The following GRM3 variants were observed in gnomAD, a reference collection of about 807,000 sequenced individuals.
GRM3 encodes the protein glutamate metabotropic receptor 3.
In GRM3, 26 loss-of-function variants were observed where a neutral mutation model predicts 70.5. That is an observed-to-expected ratio of 0.37 (90% CI 0.27 to 0.51). The LOEUF (loss-of-function observed/expected upper bound fraction) is 0.51, where lower values mean the gene tolerates loss of function less well. GRM3 is among the 20% of genes least tolerant of loss of function. GRM3 has a pLI of 0.93. For missense variants in GRM3, 859 were observed against 1,123.8 expected (o/e 0.76, Z 3.37); for synonymous variants, 443 against 434.9 (o/e 1.02, Z -0.23).
At chr7:86,705,566 A>G (rs1004480171) in intron 1 of GRM3, among the ~76,000 whole-genome samples, 1 of 152,032 alleles carries the variant, frequency 6.6e-6, no homozygotes, top group Admixed American at 6.6e-5. Context: ...AGCCTTTTAA[A>G]TTTTTTTGTA....
intron 1 of GRM3, among the ~76,000 whole-genome samples, chr7:86,706,706 C>A (rs1795066210): frequency 6.6e-6 from 1 of 151,826 alleles, no homozygotes; most frequent in Non-Finnish European, 1.5e-5. Flanking sequence ...TCTAGTATGC[C>A]AGGCACATGA....
At chr7:86,856,452 CAA>C (rs572172399) in intron 5 of GRM3, among the ~76,000 whole-genome samples, 1,364 of 67,506 alleles carry the variant, frequency 0.02, 16 homozygotes, top group African/African-American at 0.058. Flanking sequence ...TCGCCCTCTG[CAA>C]AAAAAAAAAA....
chr7:86,684,112 C>T (rs1470145284), intron 1 of GRM3, among the ~76,000 whole-genome samples: 1 of 151,950 alleles, frequency 6.6e-6, no homozygotes, highest in Admixed American at 6.6e-5. Flanking sequence ...CTGTTTCTTA[C>T]CCTCCGGGAA....
intron 1 of GRM3, among the ~76,000 whole-genome samples, chr7:86,691,051 C>G (rs936634879): frequency 2.0e-5 from 3 of 152,108 alleles, no homozygotes; most frequent in African/African-American, 4.8e-5. Context: ...TCCTCTACTA[C>G]CATTTCCTAG....
At chr7:86,719,912 A>T (rs1584191569) in intron 1 of GRM3, among the ~76,000 whole-genome samples, 1 of 152,094 alleles carries the variant, frequency 6.6e-6, no homozygotes, top group African/African-American at 2.4e-5. Context: ...TGGCTTGCTC[A>T]CAAAACTCAA....
chr7:86,655,255 A>G (rs1344063343), intron 1 of GRM3, among the ~76,000 whole-genome samples: 1 of 152,186 alleles, frequency 6.6e-6, no homozygotes, highest in Admixed American at 6.5e-5. Context: ...ATTTAAGTCC[A>G]ACTTCAAAGT....
intron 1 of GRM3, among the ~76,000 whole-genome samples, chr7:86,686,441 C>T (rs1221474957): frequency 1.3e-5 from 2 of 152,136 alleles, no homozygotes; most frequent in African/African-American, 4.8e-5. Flanking sequence ...AAAAAGGAAA[C>T]AATATAAATC....
intron 1 of GRM3, among the ~76,000 whole-genome samples, chr7:86,758,325 A>T (rs949155498): frequency 1.6e-4 from 25 of 152,162 alleles, no homozygotes; most frequent in African/African-American, 5.8e-4. Flanking sequence ...GCTAGAGAGA[A>T]AGCTTTTGAG....
rs1230283095 is a variant in GRM3 at position 86,832,244 on chromosome 7, CCTT to C, written c.1325-6594_1325-6592del. ...ATTGGAGCCATGTTCCTGCTTGTAG[CCTT>C]TTTTTTTTTTTTTTTTTTTTGAGTT... On this transcript the variant is annotated intron_variant, in intron 3 of 5. Coordinates refer to ENST00000361669, the MANE Select transcript of GRM3 (RefSeq NM_000840.3). Among the ~76,000 whole-genome samples, 203 of 141,556 alleles carry C rather than the reference CCTT, an allele frequency of 1.4e-3. 7 individuals are homozygous for C. In the East Asian group the frequency reaches 0.028, roughly 19 times the overall value. The allele number at this position is 141,556 out of a possible 152,430, so 92.9% of individuals were successfully genotyped here. A position where few individuals can be genotyped will look rare whatever the true frequency, so the allele number is the denominator to read the frequency against.
In GRM3 at chr7:86,786,925, C is replaced by T. The variant is rs1288056067; in HGVS notation, c.1133C>T (p.Ala378Val). The change falls in exon 3 of 6, where the codon GCC becomes GTC. Residue 378 changes from alanine (A) to valine (V), a missense_variant. Ala to Val is a moderately conservative substitution (Grantham distance 64). Transcript: ENST00000361669. This position sits in a 1 kb window ranked among gnomAD's most constrained non-coding sequence, Gnocchi z 6.0. ...NHRRVCDKHL[A>V]IDSSNYEQES... The stretch of plus-strand genomic sequence containing the variant: ...AGGCGCGTCTGCGACAAGCACCTGG[C>T]CATCGACAGCAGCAACTACGAGCAA... 1 of 1,613,996 alleles carries T rather than the reference C, an allele frequency of 6.2e-7. No homozygotes were observed. The highest frequency in any genetic ancestry group is 8.5e-7 in the Non-Finnish European group (1 of 1,179,838).
intron 3 of GRM3, among the ~76,000 whole-genome samples, chr7:86,814,343 T>C (rs1399191097): frequency 6.6e-6 from 1 of 151,824 alleles, no homozygotes; most frequent in Non-Finnish European, 1.5e-5. Flanking sequence ...CAGTAGACAC[T>C]GCACCATATT....
At chr7:86,795,222 G>A (rs1476909532) in intron 3 of GRM3, among the ~76,000 whole-genome samples, 1 of 150,970 alleles carries the variant, frequency 6.6e-6, no homozygotes, top group East Asian at 1.9e-4. Context: ...AAGTATAGGA[G>A]GATAAGTTAA....
intron 1 of GRM3, among the ~76,000 whole-genome samples, chr7:86,760,192 TG>T (rs1287196900): frequency 6.6e-6 from 1 of 152,152 alleles, no homozygotes; most frequent in Non-Finnish European, 1.5e-5. Flanking sequence ...AAACTACTTT[TG>T]TATTGACTGA....
chr7:86,699,161 T>G (rs1308055525), intron 1 of GRM3, among the ~76,000 whole-genome samples: 2 of 152,082 alleles, frequency 1.3e-5, no homozygotes, highest in Middle Eastern at 3.2e-3. Flanking sequence ...TAGGGAAGAT[T>G]GAAATCCAGA....
At chr7:86,820,534 C>T (rs1798098919) in intron 3 of GRM3, among the ~76,000 whole-genome samples, 1 of 152,074 alleles carries the variant, frequency 6.6e-6, no homozygotes, top group African/African-American at 2.4e-5. Context: ...CTGATGAAAG[C>T]TTTGTAGTAT....
chr7:86,780,476 C>T (rs994372129), intron 2 of GRM3, among the ~76,000 whole-genome samples: 1 of 152,152 alleles, frequency 6.6e-6, no homozygotes, highest in Non-Finnish European at 1.5e-5. Flanking sequence ...CATTGCAACA[C>T]CTAAGTCCTG....
rs111451321 is a variant in GRM3 at position 86,839,225 on chromosome 7, A to G, written c.1711A>G (p.Arg571Gly). 47 of 1,613,922 alleles carry G rather than the reference A, an allele frequency of 2.9e-5. 2 individuals carry two copies. The highest frequency in any genetic ancestry group is 2.8e-4 in the African/African-American group (21 of 75,068). The change falls in exon 4 of 6, where the codon AGG becomes GGG. Residue 571 changes from arginine to glycine, a missense_variant. By Grantham distance (125) the Arg-to-Gly change is moderately radical. Coordinates refer to ENST00000361669, the MANE Select transcript of GRM3 (RefSeq NM_000840.3). The surrounding 1 kb of genome is among the most constrained non-coding windows in gnomAD (Gnocchi z 4.5). Reference sequence around the variant, plus strand: ...CTATGACCTTCCTGAGGACTACATCAGGTGGGAAGACGCCTGGGCCATTGG... The same window carrying G: ...CTATGACCTTCCTGAGGACTACATCGGGTGGGAAGACGCCTGGGCCATTGG... ...GCYDLPEDYI[R>G]WEDAWAIGPV...
intron 1 of GRM3, among the ~76,000 whole-genome samples, chr7:86,692,404 C>G (rs1040572905): frequency 5.3e-5 from 8 of 152,198 alleles, no homozygotes; most frequent in Non-Finnish European, 7.3e-5. Flanking sequence ...ACTGATCTTG[C>G]TGTTCTTCAA....
At chr7:86,856,685 A>C (rs1022062389) in intron 5 of GRM3, among the ~76,000 whole-genome samples, 2 of 152,154 alleles carry the variant, frequency 1.3e-5, no homozygotes, top group African/African-American at 4.8e-5. Flanking sequence ...GGAAGAATAG[A>C]GTCTCCAGCT....
Sources: gnomAD v4.1 joint callset for allele counts (sites outside exome capture counted in the v4.1 genomes callset) on GRCh38, gnomAD v4.1.1 for gene constraint, Gnocchi (gnomAD v3.1) non-coding constraint, MANE v1.5 for transcripts, NCBI Gene and HGNC (gene_info 2026-07-23, HGNC 2026-07-21) for gene names.